CNOT4: variants seen among roughly 807,000 people sequenced by gnomAD.
CNOT4 encodes the protein CCR4-NOT transcription complex subunit 4.
In CNOT4, 8 loss-of-function variants were observed where a neutral mutation model predicts 73.8. That is an observed-to-expected ratio of 0.11 (90% CI 0.06 to 0.20). CNOT4 has a LOEUF of 0.20. CNOT4 is among the 10% of genes least tolerant of loss of function. The pLI, the probability that CNOT4 is intolerant of heterozygous loss-of-function variation, is 1.00. For synonymous variants in CNOT4, 293 were observed against 321.1 expected, an observed-to-expected ratio of 0.91 and a Z score of 0.94; for missense variants, 564 against 883.4, an observed-to-expected ratio of 0.64 and a Z score of 4.58.
At chr7:135,374,393 CTGA>C (rs10567965) in intron 10 of CNOT4, among the ~76,000 whole-genome samples, 90,647 of 151,672 alleles carry the variant, frequency 0.6, 27,289 homozygotes, top group Middle Eastern at 0.66. Context: ...GTAAAATTTG[CTGA>C]TGATTCCCTT....
At chr7:135,380,655 A>C (rs563500117) in intron 10 of CNOT4, among the ~76,000 whole-genome samples, 1 of 152,312 alleles carries the variant, frequency 6.6e-6, no homozygotes, top group East Asian at 1.9e-4. Flanking sequence ...AGACACAATA[A>C]TGTTTAGAGG....
intron 1 of CNOT4, among the ~76,000 whole-genome samples, chr7:135,449,976 CTG>C: frequency 6.6e-6 from 1 of 152,044 alleles, no homozygotes; most frequent in East Asian, 1.9e-4. Context: ...TAACAGGAAA[CTG>C]AGGAATGGAA....
At chr7:135,473,777 G>A (rs534141928) in intron 1 of CNOT4, among the ~76,000 whole-genome samples, 33 of 152,108 alleles carry the variant, frequency 2.2e-4, no homozygotes, top group African/African-American at 7.7e-4. Flanking sequence ...GAGAGTGAGA[G>A]TGCACATGTG....
At position 135,362,629 on chromosome 7, in the gene CNOT4, T is replaced by C; in HGVS notation, c.*256A>G. The stretch of plus-strand genomic sequence containing the variant: ...GAGACTGCCCTTTGATTTTTTTTTC[T>C]CTCCTTAAAAAGGCATTTTTAGAAA... On this transcript the variant is annotated 3_prime_UTR_variant, in exon 12 of 12. Coordinates refer to ENST00000541284, the MANE Select transcript of CNOT4 (RefSeq NM_001190850.2). 1 of 587,170 alleles carries C rather than the reference T, an allele frequency of 1.7e-6. No individual in the cohort carries two copies. The allele number at this position is 587,170 out of a possible 1,614,324, so 36.4% of individuals were successfully genotyped here. A position where few individuals can be genotyped will look rare whatever the true frequency, so the allele number is the denominator to read the frequency against.
At chr7:135,493,338 T>C (rs1803241589) in intron 1 of CNOT4, among the ~76,000 whole-genome samples, 1 of 152,188 alleles carries the variant, frequency 6.6e-6, no homozygotes, top group African/African-American at 2.4e-5. Flanking sequence ...GGAAATGTAG[T>C]TTCAAGTCTC....
chr7:135,390,628 A>C (rs1305594838), intron 10 of CNOT4, among the ~76,000 whole-genome samples: 1 of 152,156 alleles, frequency 6.6e-6, no homozygotes, highest in African/African-American at 2.4e-5. Context: ...AGATCAAAAA[A>C]AAAGGAAGCT....
intron 10 of CNOT4, among the ~76,000 whole-genome samples, chr7:135,381,352 C>G (rs558996277): frequency 7.9e-5 from 12 of 152,286 alleles, no homozygotes; most frequent in African/African-American, 2.9e-4. Flanking sequence ...TTACAGAAGG[C>G]TAATTAAATG....
chr7:135,484,555 C>G (rs915345072), intron 1 of CNOT4, among the ~76,000 whole-genome samples: 19 of 151,598 alleles, frequency 1.3e-4, no homozygotes, highest in Admixed American at 8.5e-4. Flanking sequence ...CAGGAGTTTG[C>G]GACCAGCCTG....
Position 135,363,778 on chromosome 7 carries a change from T to C in CNOT4, c.1840+76A>G. 3.3e-6 allele frequency: 4 copies of C among 1,196,538 alleles called. No individual in the cohort carries two copies. The highest frequency in any genetic ancestry group is 4.7e-6 in the Non-Finnish European group (4 of 851,740). The allele number at this position is 1,196,538 out of a possible 1,614,324, so 74.1% of individuals were successfully genotyped here. On this transcript the variant is annotated intron_variant, in intron 11 of 11. Coordinates refer to ENST00000541284, the MANE Select transcript of CNOT4 (RefSeq NM_001190850.2). The surrounding 1 kb of genome is among the most constrained non-coding windows in gnomAD (Gnocchi z 4.3). The stretch of plus-strand genomic sequence containing the variant: ...TGAAAAGCAGCTTATGTTGAAGAGA[T>C]CTCGGTTTTTATTTAATCTGTGCTA...
At chr7:135,466,968 A>G (rs1204891808) in intron 1 of CNOT4, among the ~76,000 whole-genome samples, 2 of 152,204 alleles carry the variant, frequency 1.3e-5, no homozygotes, top group African/African-American at 4.8e-5. Context: ...TGCATTTTTC[A>G]AAACTAGCCA....
chr7:135,377,325 C>T (rs995901608), intron 10 of CNOT4, among the ~76,000 whole-genome samples: 4 of 152,192 alleles, frequency 2.6e-5, no homozygotes, highest in African/African-American at 9.7e-5. Flanking sequence ...CCCAGATCAT[C>T]AATTGGCTTC....
chr7:135,408,476 T>C (rs979307330), intron 7 of CNOT4, among the ~76,000 whole-genome samples: 1 of 151,970 alleles, frequency 6.6e-6, no homozygotes, highest in Non-Finnish European at 1.5e-5. Flanking sequence ...TATAAGAAAA[T>C]ACACTAACAC....
At chr7:135,404,777 C>A (rs1006473777) in intron 7 of CNOT4, among the ~76,000 whole-genome samples, 2 of 152,012 alleles carry the variant, frequency 1.3e-5, no homozygotes, top group Non-Finnish European at 2.9e-5. Flanking sequence ...TCGATAAATT[C>A]CTATAAAAGT....
At chr7:135,404,544 C>A (rs1197406844) in intron 7 of CNOT4, among the ~76,000 whole-genome samples, 1 of 152,106 alleles carries the variant, frequency 6.6e-6, no homozygotes, top group Non-Finnish European at 1.5e-5. Context: ...CTGCTTGAGA[C>A]CTTTTTCTAC....
At chr7:135,431,440 T>C (rs545784006) in intron 2 of CNOT4, among the ~76,000 whole-genome samples, 2 of 152,208 alleles carry the variant, frequency 1.3e-5, no homozygotes, top group African/African-American at 2.4e-5. Context: ...AACTGGAAAG[T>C]GAAATTTCAG....
At chr7:135,499,891 G>C (rs1172365352) in intron 1 of CNOT4, among the ~76,000 whole-genome samples, 1 of 152,114 alleles carries the variant, frequency 6.6e-6, no homozygotes, top group Non-Finnish European at 1.5e-5. Context: ...CCAAGGAGAA[G>C]GCAATGGCTT....
chr7:135,488,218 G>A lies in CNOT4; in HGVS notation c.-93+21671C>T, dbSNP rs535168903. On this transcript the variant is annotated intron_variant, in intron 1 of 11. Coordinates refer to ENST00000541284, the MANE Select transcript of CNOT4 (RefSeq NM_001190850.2). ...TGTTACCCAGGCTGGAGTGCAGTGA[G>A]TGGCATGATGTCAACTCACTGCAAC... Among the ~76,000 whole-genome samples, 6 of 152,092 alleles carry A rather than the reference G, an allele frequency of 3.9e-5. No homozygotes were observed. The South Asian group carries it at 1.2e-3, about 32-fold the overall frequency.
chr7:135,437,890 C>G (rs1308137145), intron 2 of CNOT4, among the ~76,000 whole-genome samples: 1 of 152,134 alleles, frequency 6.6e-6, no homozygotes, highest in Non-Finnish European at 1.5e-5. Context: ...ATGTCTTTCT[C>G]CTCGGATAAA....
At chr7:135,444,835 T>C in intron 1 of CNOT4, 1 of 1,606,080 alleles carries the variant, frequency 6.2e-7, no homozygotes, top group South Asian at 1.1e-5. Context: ...AAGGCAGGGC[T>C]TTTGGCACTT....
Sources: allele counts gnomAD v4.1 joint callset (sites outside exome capture counted in the v4.1 genomes callset), GRCh38; gene constraint gnomAD v4.1.1; non-coding constraint Gnocchi (gnomAD v3.1); transcripts MANE v1.5; gene names NCBI Gene and HGNC (gene_info 2026-07-23, HGNC 2026-07-21).